The following ATF1 variants were observed in gnomAD, a reference collection of about 807,000 sequenced individuals.
ATF1 encodes the protein activating transcription factor 1.
A neutral mutation model predicts 34.7 loss-of-function variants in ATF1; 16 were observed. The ratio of observed to expected loss-of-function variants is 0.46; its 90% CI spans 0.31 to 0.70. The LOEUF (loss-of-function observed/expected upper bound fraction) is 0.70, where lower values mean the gene tolerates loss of function less well. Ranked by LOEUF, ATF1 falls within the 30% of genes least tolerant of loss-of-function variation. The pLI, the probability that ATF1 is intolerant of heterozygous loss-of-function variation, is 0.05. For synonymous variants in ATF1, 105 were observed against 113.1 expected, an observed-to-expected ratio of 0.93 and a Z score of 0.46; for missense variants, 255 against 321.6, an observed-to-expected ratio of 0.79 and a Z score of 1.58.
intron 1 of ATF1, among the ~76,000 whole-genome samples, chr12:50,774,594 GTTAATC>G (rs1030237101): frequency 5.3e-5 from 8 of 152,026 alleles, no homozygotes; most frequent in South Asian, 4.1e-4. Context: ...TTAACACATT[GTTAATC>G]TTAACCTTAA....
At chr12:50,804,557 C>T (rs914739431) in intron 3 of ATF1, among the ~76,000 whole-genome samples, 1 of 152,050 alleles carries the variant, frequency 6.6e-6, no homozygotes, top group African/African-American at 2.4e-5. Context: ...GTGATGTGTG[C>T]CTCTGGTCCC....
chr12:50,766,730 T>C (rs576918219), intron 1 of ATF1, among the ~76,000 whole-genome samples: 2 of 149,686 alleles, frequency 1.3e-5, no homozygotes, highest in Non-Finnish European at 3.0e-5. Context: ...TACAAGCGGC[T>C]GCCTGAGGTT....
At chr12:50,764,705 C>G (rs1448958274) in intron 1 of ATF1, 1 of 152,272 alleles carries the variant, frequency 6.6e-6, no homozygotes, top group East Asian at 1.9e-4. Context: ...CGGTGTCCGC[C>G]GAGCGGAGCC....
chr12:50,803,098 T>TA (rs746106904), intron 3 of ATF1, among the ~76,000 whole-genome samples: 128 of 141,006 alleles, frequency 9.1e-4, no homozygotes, highest in Admixed American at 2.0e-3. Flanking sequence ...CCGTCTCTAC[T>TA]AAAAAAAAAA....
At chr12:50,819,061 T>C (rs1398954850) in intron 6 of ATF1, among the ~76,000 whole-genome samples, 1 of 152,242 alleles carries the variant, frequency 6.6e-6, no homozygotes, top group African/African-American at 2.4e-5. Flanking sequence ...AGAGGACCCA[T>C]AATTTCACTC....
chr12:50,776,818 A>G (rs1032566673), intron 1 of ATF1, among the ~76,000 whole-genome samples: 1 of 152,184 alleles, frequency 6.6e-6, no homozygotes, highest in African/African-American at 2.4e-5. Context: ...TTGTTTTAGT[A>G]AAAAATACAA....
In ATF1 at chr12:50,820,191, T is replaced by C. The variant is rs1592208788; in HGVS notation, c.*412T>C. Reference sequence around the variant, plus strand: ...TTATATATATGTGTGTGTGTGTGTGTAATTTCTGCCAATAAATTCTAAATT... The same window carrying C: ...TTATATATATGTGTGTGTGTGTGTGCAATTTCTGCCAATAAATTCTAAATT... On this transcript the variant is annotated 3_prime_UTR_variant, in exon 7 of 7. Transcript: ENST00000262053. The C allele has an allele frequency of 4.7e-6, 1 of 210,828 alleles. No homozygotes were observed. Among genetic ancestry groups the C allele is most frequent in the East Asian group, 7.4e-5 (1 of 13,578 alleles). The allele number at this position is 210,828 out of a possible 1,614,324, so 13.1% of individuals were successfully genotyped here.
At chr12:50,812,318 TAA>T (rs932245374) in intron 4 of ATF1, among the ~76,000 whole-genome samples, 13 of 152,140 alleles carry the variant, frequency 8.5e-5, no homozygotes, top group African/African-American at 3.1e-4. Flanking sequence ...CAAAAGTATA[TAA>T]GTCTGTATAA....
At chr12:50,802,871 C>CAAAAAAAAAAAAA (rs71443203) in intron 3 of ATF1, among the ~76,000 whole-genome samples, 1 of 46,920 alleles carries the variant, frequency 2.1e-5, no homozygotes, top group Non-Finnish European at 3.4e-5. Context: ...GACTCCATCT[C>CAAAAAAAAAAAAA]AAAAAAAAAA....
intron 3 of ATF1, among the ~76,000 whole-genome samples, chr12:50,799,866 A>G (rs892629638): frequency 1.3e-5 from 2 of 152,232 alleles, no homozygotes; most frequent in African/African-American, 2.4e-5. Context: ...CTGTGCGACA[A>G]TAATTAAAGA....
chr12:50,819,675 G>A lies in ATF1; in HGVS notation c.712G>A (p.Val238Met), dbSNP rs752562589. The A allele has an allele frequency of 5.6e-6, 9 of 1,612,970 alleles. No homozygotes were observed. The East Asian group carries it at 2.0e-4, about 36-fold the overall frequency. ...RECRRKKKEY[V>M]KCLENRVAVL... ...ATGTCGCAGAAAGAAGAAAGAATAT[G>A]TGAAATGCCTGGAAAACCGAGTTGC... is the stretch of plus-strand genomic sequence containing the variant. The change falls in exon 7 of 7, where the codon GTG becomes ATG. Residue 238 changes from valine to methionine, a missense_variant. Coordinates refer to ENST00000262053, the MANE Select transcript of ATF1 (RefSeq NM_005171.5).
chr12:50,788,930 A>AGT (rs918914283), intron 2 of ATF1, among the ~76,000 whole-genome samples: 182 of 152,278 alleles, frequency 1.2e-3, no homozygotes, highest in African/African-American at 4.3e-3. Context: ...TGTAGTACAA[A>AGT]GTGCTATCTT....
chr12:50,786,093 T>C lies in ATF1; in HGVS notation c.93+5855T>C, dbSNP rs183511346. ...TGTTGGGCAGACCATCCAAGTAGATTTATCCAGTAGGCAGCTAGATATATG... is the reference window on the plus strand; with the variant it reads ...TGTTGGGCAGACCATCCAAGTAGATCTATCCAGTAGGCAGCTAGATATATG... On this transcript the variant is annotated intron_variant, in intron 2 of 6. Transcript: ENST00000262053. 1.6e-3 allele frequency among the ~76,000 whole-genome samples: 250 copies of C among 152,192 alleles called. 3 individuals carry two copies. The highest frequency in any genetic ancestry group is 5.8e-3 in the African/African-American group (239 of 41,516).
chr12:50,803,573 ACC>A (rs1592194254), intron 3 of ATF1, among the ~76,000 whole-genome samples: 2 of 152,112 alleles, frequency 1.3e-5, no homozygotes, highest in East Asian at 3.9e-4. Context: ...TTACCATATG[ACC>A]CACTGCTTCC....
At position 50,799,516 on chromosome 12, in the gene ATF1, C is replaced by T. The variant is rs111645506; in HGVS notation, c.194+3507C>T. On this transcript the variant is annotated intron_variant, in intron 3 of 6. Transcript: ENST00000262053. ...GAACAAGGAAAAATCTCAACTTGCA[C>T]GGGAAAAGACTGTTGACAGAAGCCA... Among the ~76,000 whole-genome samples, 22 of 152,048 alleles carry T rather than the reference C, an allele frequency of 1.4e-4. 1 individual carries two copies. The highest frequency in any genetic ancestry group is 4.6e-4 in the African/African-American group (19 of 41,460).
intron 4 of ATF1, among the ~76,000 whole-genome samples, chr12:50,813,677 G>A (rs554609672): frequency 1.8e-3 from 269 of 152,128 alleles, no homozygotes; most frequent in Non-Finnish European, 3.2e-3. Flanking sequence ...AGCTGGGCAT[G>A]GTGGCGCACA....
intron 1 of ATF1, among the ~76,000 whole-genome samples, chr12:50,777,107 G>T (rs1940944575): frequency 6.6e-6 from 1 of 152,010 alleles, no homozygotes; most frequent in Admixed American, 6.6e-5. Flanking sequence ...GCCCACCTCG[G>T]CCTCCCAAAA....
chr12:50,818,202 C>T (rs980081884), intron 6 of ATF1, among the ~76,000 whole-genome samples: 3 of 152,022 alleles, frequency 2.0e-5, no homozygotes, highest in African/African-American at 7.3e-5. Context: ...ATCCCGACAC[C>T]GTGACCAGGA....
chr12:50,803,612 T>C (rs950614344), intron 3 of ATF1, among the ~76,000 whole-genome samples: 1 of 151,996 alleles, frequency 6.6e-6, no homozygotes, highest in Non-Finnish European at 1.5e-5. Flanking sequence ...CCAAGAGAAA[T>C]AAAAACATAC....
Sources: allele counts gnomAD v4.1 joint callset (sites outside exome capture counted in the v4.1 genomes callset), GRCh38; gene constraint gnomAD v4.1.1; transcripts MANE v1.5; gene names NCBI Gene and HGNC (gene_info 2026-07-23, HGNC 2026-07-21).